PNPLA7: variants seen among roughly 807,000 people sequenced by gnomAD.
The protein encoded by PNPLA7 is patatin like domain 7, lysophospholipase, also known as patatin-like phospholipase domain-containing protein 7.
PNPLA7 carries 153 observed loss-of-function variants against 161.7 expected under a neutral mutation model. That is an observed-to-expected ratio of 0.95 (90% CI 0.83 to 1.08). PNPLA7 has a LOEUF of 1.08. Ranked by LOEUF, PNPLA7 falls within the 50% of genes least tolerant of loss-of-function variation. PNPLA7 has a pLI of 0.00. For synonymous variants in PNPLA7, 809 were observed against 782.1 expected (o/e 1.03, Z -0.57); for missense variants, 1,739 against 1,856.6 (o/e 0.94, Z 1.16).
intron 12 of PNPLA7, among the ~76,000 whole-genome samples, chr9:137,506,870 G>A (rs749028478): frequency 4.7e-4 from 71 of 152,274 alleles, no homozygotes; most frequent in Non-Finnish European, 8.5e-4. Flanking sequence ...GCGCATGCGA[G>A]CGAGTCATCT....
chr9:137,495,202 G>T, intron 18 of PNPLA7, 56 bp from the exon 19 acceptor site: 1 of 1,336,272 alleles, frequency 7.5e-7, no homozygotes, highest in Non-Finnish European at 1.0e-6. Flanking sequence ...GAGCCAGCTG[G>T]ACCTGTCCCT....
rs149688445 is a variant in PNPLA7, at chr9:137,490,081, A to G, written c.2197+2932T>C. Among the ~76,000 whole-genome samples, 5 of 152,374 alleles carry G rather than the reference A, an allele frequency of 3.3e-5. No individual in the cohort carries two copies. In the East Asian group the frequency reaches 5.8e-4, roughly 18 times the overall value. ...AATCACATTTCTGAAAACTAAAGACAGAGAAAAACACCTTTTTGTGTGTGT... is the reference window on the plus strand; with the variant it reads ...AATCACATTTCTGAAAACTAAAGACGGAGAAAAACACCTTTTTGTGTGTGT... On this transcript the variant is annotated intron_variant, in intron 20 of 34. Coordinates refer to ENST00000406427, the MANE Select transcript of PNPLA7 (RefSeq NM_001098537.3). This position sits in a 1 kb window ranked among gnomAD's most constrained non-coding sequence, Gnocchi z 4.1.
intron 26 of PNPLA7, among the ~76,000 whole-genome samples, chr9:137,466,840 ATC>A (rs1831494695): frequency 7.1e-6 from 1 of 141,320 alleles, no homozygotes; most frequent in African/African-American, 2.7e-5. Flanking sequence ...CACCGTCTCC[ATC>A]ACCTCAGACC....
At chr9:137,535,644 T>G (rs935914363) in intron 8 of PNPLA7, among the ~76,000 whole-genome samples, 4 of 150,586 alleles carry the variant, frequency 2.7e-5, no homozygotes, top group African/African-American at 4.9e-5. Context: ...TCCCAGCTAC[T>G]CGGGAGGCTG....
Position 137,546,833 on chromosome 9 carries a change from C to T in PNPLA7, c.270G>A (p.Arg90=), listed in dbSNP as rs1446081610. 6.2e-7 allele frequency: 1 copy of T among 1,613,726 alleles called. No individual in the cohort carries two copies. Among genetic ancestry groups the T allele is most frequent in the Admixed American group, 1.7e-5 (1 of 59,994 alleles). ...TGGGGCCCCGAGCAACAGCTACCTT[C>T]CTCATGATCTTCCGGCCGTAAAACA... ...KVMFYGRKIM[R]KVTTLPNTLV... is the part of the protein sequence containing the mutation. Residue 90 remains arginine, a synonymous_variant, in exon 4 of 35, where the codon AGG becomes AGA. Transcript: ENST00000406427.
In PNPLA7 at chr9:137,462,771, C is replaced by T. The variant is rs1831279553; in HGVS notation, c.3406G>A (p.Glu1136Lys). 5 of 1,613,976 alleles carry T rather than the reference C, an allele frequency of 3.1e-6. No homozygotes were observed. Among genetic ancestry groups the T allele is most frequent in the African/African-American group, 1.3e-5 (1 of 75,006 alleles). The change falls in exon 30 of 35, where the codon GAG becomes AAG. Residue 1136 changes from glutamate (E) to lysine (K), a missense_variant. Coordinates refer to ENST00000406427, the MANE Select transcript of PNPLA7 (RefSeq NM_001098537.3). ...VIAIDVGSRD[E>K]TDLTNYGDAL... ...TCCCCATAGTTGGTGAGGTCCGTCT[C>T]ATCTCGGCTGCCCACGTCAATGGCG...
chr9:137,490,756 G>A lies in PNPLA7; in HGVS notation c.2197+2257C>T, dbSNP rs1832724179. ...AGAAGAGCAGGAGGACGGTGACCCT[G>A]GGTGAACATCACAGACTATTCTCCT... On this transcript the variant is annotated intron_variant, in intron 20 of 34. Coordinates refer to ENST00000406427, the MANE Select transcript of PNPLA7 (RefSeq NM_001098537.3). The surrounding 1 kb of genome is among the most constrained non-coding windows in gnomAD (Gnocchi z 4.1). 6.6e-6 allele frequency among the ~76,000 whole-genome samples: 1 copy of A among 152,208 alleles called. No individual in the cohort carries two copies. The highest frequency in any genetic ancestry group is 2.1e-4 in the South Asian group (1 of 4,834).
intron 23 of PNPLA7, 107 bp from the exon 24 acceptor site, chr9:137,479,345 G>A: frequency 1.5e-6 from 2 of 1,366,026 alleles, no homozygotes; most frequent in Non-Finnish European, 1.9e-6. Context: ...CCCGGGAGCA[G>A]CTCCTGGGTT....
chr9:137,543,040 CA>C lies in PNPLA7; in HGVS notation c.507-240del, dbSNP rs1271698026. Among the ~76,000 whole-genome samples the C allele has an allele frequency of 9.2e-5, 14 of 152,286 alleles. No individual in the cohort carries two copies. The East Asian group carries it at 2.3e-3, about 25-fold the overall frequency. On this transcript the variant is annotated intron_variant, in intron 6 of 34. Coordinates refer to ENST00000406427, the MANE Select transcript of PNPLA7 (RefSeq NM_001098537.3). The surrounding 1 kb of genome is among the most constrained non-coding windows in gnomAD (Gnocchi z 6.9). ...CTTCTTGACCCGTGAACCTGAGCCA[CA>C]CACACACGGGAGGAAGGCAAAGGTG... is the stretch of plus-strand genomic sequence containing the variant.
At position 137,547,292 on chromosome 9, in the gene PNPLA7, G is replaced by A. The variant is rs759637688; in HGVS notation, c.193+17C>T. On this transcript the variant is annotated intron_variant, in intron 3 of 34. Coordinates refer to ENST00000406427, the MANE Select transcript of PNPLA7 (RefSeq NM_001098537.3). The surrounding 1 kb of genome is among the most constrained non-coding windows in gnomAD (Gnocchi z 4.6). The stretch of plus-strand genomic sequence containing the variant: ...TCCCCCAACCCCCCGGGCCAGAGTC[G>A]GAACCAAGATACTCACGAAATTGTC... The A allele has an allele frequency of 3.3e-5, 53 of 1,612,088 alleles. No individual in the cohort carries two copies. The highest frequency in any genetic ancestry group is 2.7e-4 in the East Asian group (12 of 44,882).
Position 137,520,225 on chromosome 9 carries a change from G to A in PNPLA7, c.958-182C>T, listed in dbSNP as rs754181264. Among the ~76,000 whole-genome samples the A allele has an allele frequency of 5.3e-5, 8 of 152,066 alleles. No homozygotes were observed. Among genetic ancestry groups the A allele is most frequent in the African/African-American group, 9.7e-5 (4 of 41,402 alleles). On this transcript the variant is annotated intron_variant, in intron 10 of 34. Transcript: ENST00000406427. The surrounding 1 kb of genome is among the most constrained non-coding windows in gnomAD (Gnocchi z 5.2). ...TGACAGGTGTGGGCCTCTCAAAGGT[G>A]TGACAGGTGTGGGCCTCTCAAGGCA...
chr9:137,483,817 G>T (rs1054904629), intron 21 of PNPLA7, among the ~76,000 whole-genome samples: 48 of 152,082 alleles, frequency 3.2e-4, no homozygotes, highest in African/African-American at 1.1e-3. Context: ...TAAATTTTTT[G>T]AATGTATTGT....
intron 12 of PNPLA7, chr9:137,508,715 T>C (rs1834047694): frequency 6.6e-6 from 1 of 152,146 alleles, no homozygotes; most frequent in East Asian, 1.9e-4. Context: ...ACACAAAATA[T>C]ATTAACCACA....
intron 21 of PNPLA7, 43 bp from the exon 22 acceptor site, chr9:137,481,066 C>T: frequency 1.3e-6 from 2 of 1,545,354 alleles, no homozygotes; most frequent in Non-Finnish European, 1.8e-6. Flanking sequence ...CTGGGCAGCC[C>T]ACCTCCAACG....
At position 137,505,705 on chromosome 9, in the gene PNPLA7, T is replaced by C. The variant is rs755298503; in HGVS notation, c.1382A>G (p.Glu461Gly). ...EIPSTVSQHS[E>G]SHTDETLASR... ...GGCCAGGGTCTCATCCGTGTGACTC[T>C]CTGAGTGCTGGGAGACCGTGGAGGG... Residue 461 changes from glutamate to glycine, a missense_variant, in exon 14 of 35, where the codon GAG (glutamate) becomes GGG (glycine). Physicochemically the swap from Glu to Gly is moderately conservative, Grantham distance 98. Transcript: ENST00000406427. 1 of 1,614,006 alleles carries C rather than the reference T, an allele frequency of 6.2e-7. No homozygotes were observed.
In PNPLA7 at chr9:137,515,371, T is replaced by A; in HGVS notation, c.1225+8A>T. On this transcript the variant is annotated splice_region_variant and intron_variant, in intron 12 of 34. Coordinates refer to ENST00000406427, the MANE Select transcript of PNPLA7 (RefSeq NM_001098537.3). ...CACACTGGCTGGGCAGCCGTCGAGGTTCTTTACCTTGTGGGGCCGAAGGGT... is the reference window on the plus strand; with the variant it reads ...CACACTGGCTGGGCAGCCGTCGAGGATCTTTACCTTGTGGGGCCGAAGGGT... 6 of 1,597,730 alleles carry A rather than the reference T, an allele frequency of 3.8e-6. No individual in the cohort carries two copies. The highest frequency in any genetic ancestry group is 5.1e-6 in the Non-Finnish European group (6 of 1,173,524).
Position 137,547,059 on chromosome 9 carries a change from G to C in PNPLA7, c.194-150C>G, listed in dbSNP as rs79470506. 51,175 of 774,286 alleles carry C rather than the reference G, an allele frequency of 0.066. 2,153 individuals are homozygous for C. Among genetic ancestry groups the C allele is most frequent in the Middle Eastern group, 0.16 (672 of 4,262 alleles). The allele number at this position is 774,286 out of a possible 1,614,324, so 48.0% of individuals were successfully genotyped here. On this transcript the variant is annotated intron_variant, in intron 3 of 34. Coordinates refer to ENST00000406427, the MANE Select transcript of PNPLA7 (RefSeq NM_001098537.3). This position sits in a 1 kb window ranked among gnomAD's most constrained non-coding sequence, Gnocchi z 4.6. ...TGAGGGAAGAGGGCCTGAGTGACAG[G>C]CTCATCTCCAACAAAGGGGGCTCTC...
At position 137,463,430 on chromosome 9, in the gene PNPLA7, T is replaced by G; in HGVS notation, c.3328A>C (p.Ile1110Leu). The G allele has an allele frequency of 6.2e-7, 1 of 1,603,186 alleles. No homozygotes were observed. The highest frequency in any genetic ancestry group is 2.3e-5 in the East Asian group (1 of 44,352). Residue 1110 changes from isoleucine to leucine, a missense_variant, in exon 29 of 35, where the codon ATC becomes CTC. Coordinates refer to ENST00000406427, the MANE Select transcript of PNPLA7 (RefSeq NM_001098537.3). The stretch of plus-strand genomic sequence containing the variant: ...ACCGCAGTACCTGGGAGGTTGTTGA[T>G]GTAGCCCCCGTCCATCAGCAGGTGT... Reference protein sequence around the residue: ...DGHLLMDGGYINNLPADVARS... With the variant: ...DGHLLMDGGYLNNLPADVARS...
chr9:137,494,589 C>T (rs1341938205), intron 19 of PNPLA7, among the ~76,000 whole-genome samples: 2 of 151,964 alleles, frequency 1.3e-5, no homozygotes, highest in Non-Finnish European at 1.5e-5. Flanking sequence ...TGCTCCGCAC[C>T]CTCACCTGCG....
Sources: gnomAD v4.1 joint callset for allele counts (sites outside exome capture counted in the v4.1 genomes callset) on GRCh38, gnomAD v4.1.1 for gene constraint, Gnocchi (gnomAD v3.1) non-coding constraint, MANE v1.5 for transcripts, NCBI Gene and HGNC (gene_info 2026-07-23, HGNC 2026-07-21) for gene names.